Variants in IST1 observed in about 807,000 individuals in gnomAD.
IST1 encodes the protein IST1 homolog.
Under a neutral mutation model 37.0 loss-of-function variants are expected in IST1, and 23 were observed. That is an observed-to-expected ratio of 0.62 (90% CI 0.45 to 0.88). IST1 has a LOEUF of 0.88. IST1 is among the 40% of genes least tolerant of loss of function. IST1 has a pLI of 0.00. For missense variants in IST1, 488 were observed against 445.4 expected, an observed-to-expected ratio of 1.10 and a Z score of -0.86; for synonymous variants, 180 against 161.7, an observed-to-expected ratio of 1.11 and a Z score of -0.86.
At chr16:71,910,463 G>T (rs1402935065) in intron 1 of IST1, among the ~76,000 whole-genome samples, 1 of 151,866 alleles carries the variant, frequency 6.6e-6, no homozygotes. Context: ...AAAATTAGCT[G>T]GGTGTGGTGG....
chr16:71,921,019 C>T, intron 5 of IST1, 197 bp downstream of exon 5: 1 of 630,368 alleles, frequency 1.6e-6, no homozygotes, highest in Non-Finnish European at 2.9e-6. Context: ...TACTGTCATT[C>T]CTGACTCCAC....
intron 8 of IST1, chr16:71,924,314 A>G (rs1567474476): frequency 5.0e-6 from 2 of 398,734 alleles, no homozygotes; most frequent in South Asian, 3.8e-5. Context: ...TTGGCAGTTA[A>G]GAGTTCAACA....
At chr16:71,923,553 G>A in intron 8 of IST1, 173 bp downstream of exon 8, 1 of 458,092 alleles carries the variant, frequency 2.2e-6, no homozygotes, top group East Asian at 3.9e-5. Context: ...TGGAGTGGGT[G>A]GTGATGGCAG....
intron 2 of IST1, 31 bp from the exon 3 acceptor site, chr16:71,916,431 C>G (rs1050771915): frequency 6.2e-7 from 1 of 1,607,014 alleles, no homozygotes; most frequent in Non-Finnish European, 8.5e-7. Flanking sequence ...TGCTCTACTG[C>G]TGTGAGATCG....
intron 1 of IST1, among the ~76,000 whole-genome samples, chr16:71,899,192 T>A: frequency 6.6e-6 from 1 of 152,158 alleles, no homozygotes; most frequent in East Asian, 1.9e-4. Context: ...TTTTTTTAAA[T>A]TAATTTTCAG....
chr16:71,910,828 GA>G (rs142163620), intron 1 of IST1, among the ~76,000 whole-genome samples: 5,773 of 152,078 alleles, frequency 0.038, 337 homozygotes, highest in African/African-American at 0.13. Flanking sequence ...GTATAAAAGA[GA>G]AAATACTGAG....
intron 4 of IST1, among the ~76,000 whole-genome samples, chr16:71,918,913 CATA>C (rs986182371): frequency 7.9e-5 from 12 of 152,334 alleles, no homozygotes; most frequent in African/African-American, 2.9e-4. Context: ...TGAAAGTCTT[CATA>C]ATGAACAGTG....
upstream of IST1, chr16:71,895,033 G>C: frequency 3.9e-6 from 2 of 506,612 alleles, no homozygotes; most frequent in African/African-American, 2.0e-5. Context: ...CCCGTAGAGG[G>C]ACACGGAGGC....
At chr16:71,921,523 C>T (rs79777403) in intron 6 of IST1, 70 bp downstream of exon 6, 57 of 887,976 alleles carry the variant, frequency 6.4e-5, no homozygotes, top group Non-Finnish European at 7.4e-5. Flanking sequence ...ACAAAAAAAA[C>T]ATTCTTTGCA....
At chr16:71,921,092 G>C (rs1046775855) in intron 5 of IST1, 66 of 599,326 alleles carry the variant, frequency 1.1e-4, no homozygotes, top group Admixed American at 7.6e-4. Context: ...GAGAAGGGTG[G>C]ATGAATTGAA....
rs1356374894 is a variant in IST1, at chr16:71,927,778, T to C, written c.1066T>C (p.Ser356Pro). Residue 356 changes from serine (S) to proline (P), a missense_variant, in exon 10 of 10, where the codon TCC becomes CCC. Ser to Pro is a moderately conservative substitution (Grantham distance 74). Coordinates refer to ENST00000378799, the MANE Select transcript of IST1 (RefSeq NM_001270975.2). ...ASEDIDFDDL[S>P]RRFEELKKKT is the part of the protein sequence containing the mutation. ...TGAAGACATTGACTTTGATGATCTT[T>C]CCCGGAGGTTTGAAGAGCTGAAAAA... The C allele has an allele frequency of 6.2e-7, 1 of 1,614,118 alleles. No homozygotes were observed. Among genetic ancestry groups the C allele is most frequent in the Admixed American group, 1.7e-5 (1 of 60,016 alleles).
chr16:71,926,674 A>C (rs2037751920), intron 9 of IST1, among the ~76,000 whole-genome samples: 1 of 152,140 alleles, frequency 6.6e-6, no homozygotes, highest in African/African-American at 2.4e-5. Flanking sequence ...GTATACACAG[A>C]CAATTCCACT....
intron 8 of IST1, chr16:71,924,043 C>G (rs1017228555): frequency 2.2e-6 from 1 of 446,178 alleles, no homozygotes; most frequent in Non-Finnish European, 4.5e-6. Context: ...GAAGATCTTC[C>G]TGTTCCTGAG....
intron 8 of IST1, among the ~76,000 whole-genome samples, chr16:71,923,895 C>T (rs1007658683): frequency 7.9e-5 from 12 of 152,022 alleles, no homozygotes; most frequent in African/African-American, 2.7e-4. Context: ...ATACCTCGAA[C>T]TGTAGGTGGT....
chr16:71,895,604 C>G lies in IST1; in HGVS notation c.-16+15C>G, dbSNP rs1597224996. 3 of 968,676 alleles carry G rather than the reference C, an allele frequency of 3.1e-6. No individual in the cohort carries two copies. In the African/African-American group the frequency reaches 5.3e-5, roughly 17 times the overall value. 60.0% of individuals were successfully genotyped at this position (968,676 alleles called of 1,614,324 possible). A position where few individuals can be genotyped will look rare whatever the true frequency, so the allele number is the denominator to read the frequency against. ...GATTCGGTTAGGTGAGTGTGGCATCCTCGGCGTCAGAGGTCTCTGTCTTCC... is the reference window on the plus strand; with the variant it reads ...GATTCGGTTAGGTGAGTGTGGCATCGTCGGCGTCAGAGGTCTCTGTCTTCC... On this transcript the variant is annotated intron_variant, in intron 1 of 9. Coordinates refer to ENST00000378799, the MANE Select transcript of IST1 (RefSeq NM_001270975.2).
At chr16:71,917,198 TAA>T (rs1043699899) in intron 4 of IST1, 64 bp downstream of exon 4, 13 of 955,730 alleles carry the variant, frequency 1.4e-5, no homozygotes, top group East Asian at 2.4e-5. Flanking sequence ...TTGGTTAATA[TAA>T]GTTACTTCTG....
At position 71,930,180 on chromosome 16, in the gene IST1, A is replaced by C. The variant is rs2037886384; in HGVS notation, c.*2367A>C. On this transcript the variant is annotated 3_prime_UTR_variant, in exon 10 of 10. Transcript: ENST00000378799. ...GTGCCCAGGACTGGGTCTAAAGCGA[A>C]AACCTGGGAAAACAATAAGAACACT... 1.3e-6 allele frequency: 2 copies of C among 1,539,514 alleles called. No individual in the cohort carries two copies. Among genetic ancestry groups the C allele is most frequent in the African/African-American group, 2.8e-5 (2 of 72,112 alleles).
chr16:71,929,252 C>A lies in IST1; in HGVS notation c.*1439C>A. On this transcript the variant is annotated 3_prime_UTR_variant, in exon 10 of 10. Transcript: ENST00000378799. ...TTGGATGTTTATTTTTAGTAAGTTG[C>A]AGTGAGCTCACTTCTGACTGCTTCA... 1 of 263,958 alleles carries A rather than the reference C, an allele frequency of 3.8e-6. No homozygotes were observed. The highest frequency in any genetic ancestry group is 7.2e-6 in the Non-Finnish European group (1 of 137,936). 16.4% of individuals were successfully genotyped at this position (263,958 alleles called of 1,614,324 possible). A position where few individuals can be genotyped will look rare whatever the true frequency, so the allele number is the denominator to read the frequency against.
chr16:71,910,234 T>A (rs1435741980), intron 1 of IST1, among the ~76,000 whole-genome samples: 1 of 152,156 alleles, frequency 6.6e-6, no homozygotes, highest in East Asian at 1.9e-4. Context: ...GGATGTGAAT[T>A]ACCCCTTTGT....
Sources: gnomAD v4.1 joint callset for allele counts (sites outside exome capture counted in the v4.1 genomes callset) on GRCh38, gnomAD v4.1.1 for gene constraint, MANE v1.5 for transcripts, NCBI Gene and HGNC (gene_info 2026-07-23, HGNC 2026-07-21) for gene names.